Variants in GLOD5 observed in about 807,000 individuals in gnomAD.
GLOD5 encodes the protein glyoxalase domain-containing protein 5.
In GLOD5, 7 loss-of-function variants were observed where a neutral mutation model predicts 9.9. That is an observed-to-expected ratio of 0.71 (90% confidence interval 0.40 to 1.33). The LOEUF is 1.33. GLOD5 is among the 40% of genes most tolerant of loss of function. The probability of loss-of-function intolerance (pLI) is 0.01; values close to 1 mark genes in which losing one functional copy is unlikely to be tolerated. For missense variants in GLOD5, 146 were observed against 128.4 expected (o/e 1.14, Z -0.66); for synonymous variants, 49 against 47.3 (o/e 1.04, Z -0.14).
chrX:48,771,975 G>T (rs1237450676), intron 3 of GLOD5, among the ~76,000 whole-genome samples: 1 of 111,579 alleles, frequency 9.0e-6, no homozygotes, highest in Non-Finnish European at 1.9e-5. Context: ...GGTCACTCAC[G>T]CCTGTAATCC....
chrX:48,771,789 A>C lies in GLOD5; in HGVS notation c.357+707A>C, dbSNP rs1338660708. On this transcript the variant is annotated intron_variant, in intron 3 of 3. Transcript: ENST00000303227. ...TCCCTGGCCCTGACATTACAAAGGG[A>C]GATATGGCAGGTGGTTAAAGAGATA... is the stretch of plus-strand genomic sequence containing the variant. 2.7e-5 allele frequency among the ~76,000 whole-genome samples: 3 copies of C among 112,067 alleles called. No individual in the cohort carries two copies. The East Asian group carries it at 8.3e-4, about 31-fold the overall frequency.
At position 48,765,866 on chromosome X, in the gene GLOD5, C is replaced by T; in HGVS notation, c.95C>T (p.Pro32Leu). 1 of 1,195,081 alleles carries T rather than the reference C, an allele frequency of 8.4e-7. No individual in the cohort carries two copies. Among genetic ancestry groups the T allele is most frequent in the Non-Finnish European group, 1.1e-6 (1 of 886,954 alleles). ...SWRDSSQTPP[P>L]CLIRRLDHIV... ...AGGGACAGCAGTCAGACCCCTCCCC[C>T]ATGTCTTATCCGTAGACTTGACCAC... Residue 32 changes from proline to leucine, a missense_variant, in exon 2 of 4, where the codon CCA becomes CTA. By Grantham distance (98) the Pro-to-Leu change is moderately conservative. Coordinates refer to ENST00000303227, the MANE Select transcript of GLOD5 (RefSeq NM_001080489.3).
chrX:48,761,937 C>A, intron 1 of GLOD5, 84 bp downstream of exon 1: 4 of 711,232 alleles, frequency 5.6e-6, no homozygotes, highest in Non-Finnish European at 8.6e-6. Context: ...TCTCTGCGGG[C>A]TCCCATTTCC....
rs1446809466 is a variant in GLOD5, at chrX:48,769,982, A to G, written c.202-945A>G. On this transcript the variant is annotated intron_variant, in intron 2 of 3. Transcript: ENST00000303227. ...GAGCAAGACTCTGTCTCAAAAAAAAAAAAAAAAAGACGCCAGGCACAGTGA... is the reference window on the plus strand; with the variant it reads ...GAGCAAGACTCTGTCTCAAAAAAAAGAAAAAAAAGACGCCAGGCACAGTGA... Among the ~76,000 whole-genome samples the G allele has an allele frequency of 3.7e-5, 4 of 106,926 alleles. No homozygotes were observed. In the East Asian group the frequency reaches 1.2e-3, roughly 31 times the overall value. 92.9% of individuals were successfully genotyped at this position (106,926 alleles called of 115,157 possible).
rs782648787 is a variant in GLOD5, at chrX:48,766,985, C to CAAAAAAAAAAAAAAAAAAAAA, written c.201+1033_201+1034insAAAAAAAAAAAAAAAAAAAAA. ...TGGGTGACAGAGCAAGATTCCATCT[C>CAAAAAAAAAAAAAAAAAAAAA]AAAAAAAAAAAAAAAAAAAACCAAC... On this transcript the variant is annotated intron_variant, in intron 2 of 3. Coordinates refer to ENST00000303227, the MANE Select transcript of GLOD5 (RefSeq NM_001080489.3). 3.0e-3 allele frequency among the ~76,000 whole-genome samples: 9 copies of CAAAAAAAAAAAAAAAAAAAAA among 3,020 alleles called. 4 individuals are homozygous for CAAAAAAAAAAAAAAAAAAAAA. The highest frequency in any genetic ancestry group is 5.9e-3 in the African/African-American group (5 of 842). 2.6% of individuals were successfully genotyped at this position (3,020 alleles called of 115,157 possible). A position where few individuals can be genotyped will look rare whatever the true frequency, so the allele number is the denominator to read the frequency against.
At chrX:48,762,412 G>A (rs2062598553) in intron 1 of GLOD5, 1 of 107,842 alleles carries the variant, frequency 9.3e-6, no homozygotes, top group Non-Finnish European at 1.9e-5. Flanking sequence ...TTGGCACACA[G>A]TAAGCCTTGT....
intron 1 of GLOD5, among the ~76,000 whole-genome samples, chrX:48,764,552 C>CT (rs1163188143): frequency 0.15 from 13,773 of 91,667 alleles, 1,172 homozygotes; most frequent in Non-Finnish European, 0.21. Context: ...CCAGAATCTT[C>CT]TTTTTTTTTT....
At chrX:48,769,160 T>A (rs782716906) in intron 2 of GLOD5, among the ~76,000 whole-genome samples, 3 of 108,752 alleles carry the variant, frequency 2.8e-5, no homozygotes, top group African/African-American at 1.0e-4. Flanking sequence ...AGAGGGAGGA[T>A]TCATGAAGAA....
At chrX:48,763,440 G>A (rs1173310703) in intron 1 of GLOD5, among the ~76,000 whole-genome samples, 4 of 111,596 alleles carry the variant, frequency 3.6e-5, no homozygotes, top group African/African-American at 1.3e-4. Flanking sequence ...AACACTCTGG[G>A]AGGCTGAGGA....
At position 48,765,881 on chromosome X, in the gene GLOD5, G is replaced by C. The variant is rs782368125; in HGVS notation, c.110G>C (p.Arg37Thr). The C allele has an allele frequency of 8.3e-7, 1 of 1,201,615 alleles. No homozygotes were observed. Among genetic ancestry groups the C allele is most frequent in the Non-Finnish European group, 1.1e-6 (1 of 889,671 alleles). ...SQTPPPCLIR[R>T]LDHIVMTVKS... Reference sequence around the variant, plus strand: ...ACCCCTCCCCCATGTCTTATCCGTAGACTTGACCACATCGTGATGACGGTG... The same window carrying C: ...ACCCCTCCCCCATGTCTTATCCGTACACTTGACCACATCGTGATGACGGTG... Residue 37 changes from arginine (R) to threonine (T), a missense_variant, in exon 2 of 4, where the codon AGA becomes ACA. Arg to Thr is a moderately conservative substitution (Grantham distance 71, BLOSUM62 -1). Transcript: ENST00000303227.
intron 2 of GLOD5, among the ~76,000 whole-genome samples, chrX:48,769,103 G>A (rs1230974894): frequency 9.1e-6 from 1 of 110,198 alleles, no homozygotes; most frequent in Non-Finnish European, 1.9e-5. Context: ...TGATATAAAA[G>A]AGATAGAAAA....
chrX:48,770,492 G>A (rs1278084225), intron 2 of GLOD5, among the ~76,000 whole-genome samples: 3 of 111,328 alleles, frequency 2.7e-5, no homozygotes, highest in East Asian at 2.8e-4. Flanking sequence ...GGCCAGCGCA[G>A]TAGGGTTGGG....
chrX:48,772,007 T>C (rs1292289247), intron 3 of GLOD5, among the ~76,000 whole-genome samples: 1 of 110,839 alleles, frequency 9.0e-6, no homozygotes, highest in African/African-American at 3.3e-5. Flanking sequence ...GAGGCTGAGG[T>C]GGCAGGATCA....
chrX:48,768,829 A>T (rs1383803531), intron 2 of GLOD5, among the ~76,000 whole-genome samples: 1 of 110,647 alleles, frequency 9.0e-6, no homozygotes, highest in Non-Finnish European at 1.9e-5. Context: ...CAGGAGTTCG[A>T]GACCAGCCTG....
At chrX:48,770,351 G>A (rs2062619175) in intron 2 of GLOD5, among the ~76,000 whole-genome samples, 1 of 112,284 alleles carries the variant, frequency 8.9e-6, no homozygotes, top group South Asian at 3.6e-4. Flanking sequence ...GCATGTAGGA[G>A]AAAACTCAAC....
chrX:48,764,082 G>C (rs2062603063), intron 1 of GLOD5, among the ~76,000 whole-genome samples: 1 of 112,830 alleles, frequency 8.9e-6, no homozygotes, highest in Non-Finnish European at 1.9e-5. Context: ...TGTTGCAGTA[G>C]ATATTTATTT....
chrX:48,763,255 A>C (rs1301401292), intron 1 of GLOD5, among the ~76,000 whole-genome samples: 2 of 112,510 alleles, frequency 1.8e-5, no homozygotes, highest in Non-Finnish European at 3.7e-5. Flanking sequence ...AACAATGTTA[A>C]AAGTTGATTC....
At chrX:48,763,965 A>G (rs1320306582) in intron 1 of GLOD5, among the ~76,000 whole-genome samples, 1 of 112,475 alleles carries the variant, frequency 8.9e-6, no homozygotes, top group Admixed American at 9.5e-5. Context: ...AGTGGAATAG[A>G]AAATAATAAA....
intron 3 of GLOD5, among the ~76,000 whole-genome samples, chrX:48,773,083 T>C (rs1339674027): frequency 2.7e-5 from 3 of 109,898 alleles, no homozygotes; most frequent in African/African-American, 9.9e-5. Flanking sequence ...GAAAAATAGC[T>C]GGGCATGGTG....
Sources: gnomAD v4.1 joint callset for allele counts (sites outside exome capture counted in the v4.1 genomes callset) on GRCh38, gnomAD v4.1.1 for gene constraint, MANE v1.5 for transcripts, NCBI Gene and HGNC (gene_info 2026-07-23, HGNC 2026-07-21) for gene names.